PARD3B: variants seen among roughly 807,000 people sequenced by gnomAD.
PARD3B encodes par-3 family cell polarity regulator beta, also known as partitioning defective 3 homolog B.
PARD3B carries 103 observed loss-of-function variants against 130.2 expected under a neutral mutation model. The observed-to-expected ratio is 0.79, with a 90% CI of 0.67 to 0.93. The LOEUF is 0.93. PARD3B is among the 40% of genes least tolerant of loss of function. The pLI, the probability that PARD3B is intolerant of heterozygous loss-of-function variation, is 0.00. For synonymous variants in PARD3B, 583 were observed against 553.2 expected, an observed-to-expected ratio of 1.05 and a Z score of -0.76; for missense variants, 1,609 against 1,499.2, an observed-to-expected ratio of 1.07 and a Z score of -1.21.
intron 2 of PARD3B, among the ~76,000 whole-genome samples, chr2:204,891,231 C>T (rs1218393196): frequency 1.3e-5 from 2 of 149,020 alleles, no homozygotes; most frequent in Non-Finnish European, 3.0e-5. Flanking sequence ...ACCTATACAT[C>T]GGAATCATCT....
chr2:205,351,830 C>A lies in PARD3B; in HGVS notation c.2631-49183C>A, dbSNP rs2044004936. 6.6e-6 allele frequency among the ~76,000 whole-genome samples: 1 copy of A among 151,896 alleles called. No homozygotes were observed. The highest frequency in any genetic ancestry group is 1.5e-5 in the Non-Finnish European group (1 of 67,998). On this transcript the variant is annotated intron_variant, in intron 18 of 22. Coordinates refer to ENST00000406610, the MANE Select transcript of PARD3B (RefSeq NM_001302769.2). The surrounding 1 kb of genome is among the most constrained non-coding windows in gnomAD (Gnocchi z 4.2). ...AAAAAAAAACGTTGGCTTCCAGAGACCAGAGACTTTGCTTAAAGAGGTACG... is the reference window on the plus strand; with the variant it reads ...AAAAAAAAACGTTGGCTTCCAGAGAACAGAGACTTTGCTTAAAGAGGTACG...
At chr2:204,734,466 A>G (rs930783252) in intron 2 of PARD3B, among the ~76,000 whole-genome samples, 2 of 152,186 alleles carry the variant, frequency 1.3e-5, no homozygotes, top group Non-Finnish European at 2.9e-5. Flanking sequence ...GTTCACAGCA[A>G]CTTTGTTCAT....
intron 16 of PARD3B, among the ~76,000 whole-genome samples, chr2:205,256,930 C>CAAT (rs2040111954): frequency 6.6e-6 from 1 of 151,978 alleles, no homozygotes; most frequent in African/African-American, 2.4e-5. Context: ...AAGAAAAAAG[C>CAAT]CATAAGGAAA....
Position 205,118,920 on chromosome 2 carries a change from G to C in PARD3B, c.681-1G>C, listed in dbSNP as rs1420622205. 5 of 1,562,072 alleles carry C rather than the reference G, an allele frequency of 3.2e-6. No individual in the cohort carries two copies. Among genetic ancestry groups the C allele is most frequent in the Non-Finnish European group, 2.6e-6 (3 of 1,158,384 alleles). On this transcript the variant is annotated splice_acceptor_variant, in intron 6 of 22. Transcript: ENST00000406610. LOFTEE classifies it high-confidence loss of function. ...TATTTCAATCTAAATTTTGCATTTA[G>C]GATTCTAGGACTCTTCATCCGAGGC...
chr2:205,279,994 T>G (rs2041126787), intron 16 of PARD3B, among the ~76,000 whole-genome samples: 1 of 152,140 alleles, frequency 6.6e-6, no homozygotes, highest in Non-Finnish European at 1.5e-5. Context: ...CATTCCAGAG[T>G]CATACTTTGT....
Position 205,436,382 on chromosome 2 carries a change from T to A in PARD3B, c.2742-3988T>A, listed in dbSNP as rs113994413. Among the ~76,000 whole-genome samples the A allele has an allele frequency of 5.2e-3, 791 of 152,302 alleles. 3 individuals carry two copies. Among genetic ancestry groups the A allele is most frequent in the African/African-American group, 0.018 (758 of 41,568 alleles). Reference sequence around the variant, plus strand: ...GGGTCAATAAGTACCATATTCCCTCTATGTTTTCAAATGTTTGAGAGTGTT... The same window carrying A: ...GGGTCAATAAGTACCATATTCCCTCAATGTTTTCAAATGTTTGAGAGTGTT... On this transcript the variant is annotated intron_variant, in intron 19 of 22. Coordinates refer to ENST00000406610, the MANE Select transcript of PARD3B (RefSeq NM_001302769.2).
intron 13 of PARD3B, among the ~76,000 whole-genome samples, chr2:205,177,895 G>A (rs540029644): frequency 6.6e-6 from 1 of 152,034 alleles, no homozygotes; most frequent in African/African-American, 2.4e-5. Flanking sequence ...TGCACAGTCT[G>A]GATTCAATTC....
chr2:204,995,412 ACT>A (rs1694084462), intron 3 of PARD3B, among the ~76,000 whole-genome samples: 1 of 144,922 alleles, frequency 6.9e-6, no homozygotes, highest in Non-Finnish European at 1.5e-5. Flanking sequence ...ATTGGCCCCC[ACT>A]CTCTTCTGGC....
At chr2:205,052,452 A>ATATATATATATATAT (rs1443249681) in intron 4 of PARD3B, among the ~76,000 whole-genome samples, 240 of 20,490 alleles carry the variant, frequency 0.012, 2 homozygotes, top group African/African-American at 0.015. Context: ...TATATATATA[A>ATATATATATATATAT]AATTAAAAAA....
chr2:204,646,759 A>G (rs2035290010), intron 1 of PARD3B, among the ~76,000 whole-genome samples: 1 of 152,034 alleles, frequency 6.6e-6, no homozygotes, highest in South Asian at 2.1e-4. Context: ...ATCCTAGAGT[A>G]TGTTTAGTAT....
At chr2:205,302,213 C>T (rs949824091) in intron 18 of PARD3B, among the ~76,000 whole-genome samples, 2 of 151,724 alleles carry the variant, frequency 1.3e-5, no homozygotes, top group African/African-American at 2.4e-5. Context: ...AGACTATAGG[C>T]ATGCACCACA....
rs775937730 is a variant in PARD3B at position 205,440,506 on chromosome 2, C to T, written c.2878C>T (p.Arg960Trp). The T allele has an allele frequency of 6.8e-6, 11 of 1,614,028 alleles. No homozygotes were observed. The highest frequency in any genetic ancestry group is 6.7e-5 in the East Asian group (3 of 44,854). Residue 960 changes from arginine to tryptophan, a missense_variant, in exon 20 of 23, where the codon CGG becomes TGG. Coordinates refer to ENST00000406610, the MANE Select transcript of PARD3B (RefSeq NM_001302769.2). The surrounding 1 kb of genome is among the most constrained non-coding windows in gnomAD (Gnocchi z 4.2). ...DPNYARVNHF[R>W]EPCTSANVFR... ...CAATTATGCCAGAGTGAACCACTTTCGGGAACCATGCACATCAGCAAATGT... is the reference window on the plus strand; with the variant it reads ...CAATTATGCCAGAGTGAACCACTTTTGGGAACCATGCACATCAGCAAATGT...
At chr2:205,425,756 G>T (rs533872920) in intron 19 of PARD3B, among the ~76,000 whole-genome samples, 36 of 152,024 alleles carry the variant, frequency 2.4e-4, no homozygotes, top group Non-Finnish European at 3.5e-4. Context: ...TTACTTTAAT[G>T]AGCATTTAGG....
At chr2:204,891,159 G>A (rs996293064) in intron 2 of PARD3B, among the ~76,000 whole-genome samples, 1 of 151,260 alleles carries the variant, frequency 6.6e-6, no homozygotes, top group African/African-American at 2.4e-5. Flanking sequence ...TCAACTGCAC[G>A]CTGTGTGTTT....
chr2:204,921,842 G>A lies in PARD3B; in HGVS notation c.223-43310G>A, dbSNP rs74756992. On this transcript the variant is annotated intron_variant, in intron 2 of 22. Transcript: ENST00000406610. ...TTGCAATAAGTCAGATAAGAGGTGA[G>A]GGCCCAAAGTAGGAGGGTGGCAGTG... Among the ~76,000 whole-genome samples, 1,054 of 152,218 alleles carry A rather than the reference G, an allele frequency of 6.9e-3. 43 individuals are homozygous for A. The East Asian group carries it at 0.12, about 17-fold the overall frequency.
rs752367198 is a variant in PARD3B at position 205,557,959 on chromosome 2, G to A, written c.3260+4556G>A. 3.3e-5 allele frequency among the ~76,000 whole-genome samples: 5 copies of A among 152,258 alleles called. No individual in the cohort carries two copies. In the Middle Eastern group the frequency reaches 0.01, roughly 311 times the overall value. On this transcript the variant is annotated intron_variant, in intron 22 of 22. Transcript: ENST00000406610. ...GCACAGTTTGCCAGGATCCCCCACTGTGTGGAGAAGAGGAAGCAGCACCTG... is the reference window on the plus strand; with the variant it reads ...GCACAGTTTGCCAGGATCCCCCACTATGTGGAGAAGAGGAAGCAGCACCTG...
intron 1 of PARD3B, among the ~76,000 whole-genome samples, chr2:204,601,350 A>C (rs1280188029): frequency 6.6e-6 from 1 of 152,014 alleles, no homozygotes; most frequent in African/African-American, 2.4e-5. Context: ...TTTTCCTTTC[A>C]AGTTCAAATT....
chr2:204,969,485 G>A (rs186924129), intron 3 of PARD3B, among the ~76,000 whole-genome samples: 7 of 152,222 alleles, frequency 4.6e-5, no homozygotes, highest in Admixed American at 2.6e-4. Context: ...TCAGAAAAAC[G>A]TTTGTGAAAT....
intron 18 of PARD3B, among the ~76,000 whole-genome samples, chr2:205,390,899 C>A (rs893989485): frequency 2.6e-5 from 4 of 152,202 alleles, no homozygotes; most frequent in African/African-American, 9.7e-5. Flanking sequence ...ATGAGGCCTC[C>A]AGCTTCCACA....
Sources: gnomAD v4.1 joint callset for allele counts (sites outside exome capture counted in the v4.1 genomes callset) on GRCh38, gnomAD v4.1.1 for gene constraint, Gnocchi (gnomAD v3.1) non-coding constraint, MANE v1.5 for transcripts, NCBI Gene and HGNC (gene_info 2026-07-23, HGNC 2026-07-21) for gene names.